ZNF486: variants seen among roughly 807,000 people sequenced by gnomAD.
ZNF486 encodes the protein KRAB box only protein 2.
A neutral mutation model predicts 12.8 loss-of-function variants in ZNF486; 12 were observed. The observed-to-expected ratio is 0.94, with a 90% CI of 0.60 to 1.52. The LOEUF (loss-of-function observed/expected upper bound fraction) is 1.52. ZNF486 is among the 40% of genes most tolerant of loss of function. The pLI, the probability that ZNF486 is intolerant of heterozygous loss-of-function variation, is 0.00. For missense variants in ZNF486, 738 were observed against 545.0 expected, an observed-to-expected ratio of 1.35 and a Z score of -3.53; for synonymous variants, 231 against 184.9, an observed-to-expected ratio of 1.25 and a Z score of -2.02.
intron 2 of ZNF486, among the ~76,000 whole-genome samples, chr19:20,184,950 A>G (rs1225686208): frequency 2.6e-5 from 4 of 152,146 alleles, no homozygotes; most frequent in African/African-American, 7.2e-5. Context: ...CGCCTATACT[A>G]AAAATACAAA....
intron 3 of ZNF486, among the ~76,000 whole-genome samples, chr19:20,193,340 G>A (rs1183505591): frequency 6.9e-6 from 1 of 145,884 alleles, no homozygotes; most frequent in East Asian, 2.0e-4. Flanking sequence ...TATTGCCCAT[G>A]ATGGAGTGCA....
intron 1 of ZNF486, among the ~76,000 whole-genome samples, chr19:20,174,025 AG>A (rs2089678604): frequency 6.6e-6 from 1 of 152,158 alleles, no homozygotes; most frequent in South Asian, 2.1e-4. Flanking sequence ...GGTTCCAAAA[AG>A]TTTATTTTTT....
At chr19:20,187,062 C>A (rs532814835) in intron 3 of ZNF486, among the ~76,000 whole-genome samples, 4 of 151,950 alleles carry the variant, frequency 2.6e-5, no homozygotes, top group Non-Finnish European at 5.9e-5. Flanking sequence ...GGATTACAGG[C>A]ATGAGCCACC....
intron 3 of ZNF486, among the ~76,000 whole-genome samples, chr19:20,192,114 C>T (rs1176363142): frequency 6.6e-6 from 1 of 152,078 alleles, no homozygotes; most frequent in African/African-American, 2.4e-5. Context: ...TGACCTATAG[C>T]ATATTATGTC....
intron 1 of ZNF486, among the ~76,000 whole-genome samples, chr19:20,174,256 C>G (rs180787880): frequency 6.6e-6 from 1 of 152,274 alleles, no homozygotes; most frequent in East Asian, 1.9e-4. Context: ...CAGTTCAGTG[C>G]GTAAACTGAA....
intron 1 of ZNF486, 148 bp from the exon 2 acceptor site, chr19:20,184,208 A>G: frequency 1.6e-6 from 2 of 1,227,524 alleles, no homozygotes; most frequent in Non-Finnish European, 2.2e-6. Flanking sequence ...ACATTAGAAA[A>G]TATTTCTGTA....
intron 1 of ZNF486, among the ~76,000 whole-genome samples, chr19:20,171,987 T>C (rs2089652801): frequency 8.0e-6 from 1 of 125,066 alleles, no homozygotes; most frequent in East Asian, 2.1e-4. Context: ...GTTAGTTTCC[T>C]TTTTTTTTTT....
intron 1 of ZNF486, among the ~76,000 whole-genome samples, chr19:20,169,459 G>A (rs2089622834): frequency 6.6e-6 from 1 of 152,134 alleles, no homozygotes; most frequent in Non-Finnish European, 1.5e-5. Flanking sequence ...AGCCTCGCCT[G>A]CAGATGTCCC....
intron 3 of ZNF486, among the ~76,000 whole-genome samples, chr19:20,191,577 G>C (rs1379249939): frequency 6.8e-6 from 1 of 147,890 alleles, no homozygotes; most frequent in African/African-American, 2.5e-5. Context: ...AGACTCTCCT[G>C]GCTAAGACGG....
chr19:20,193,094 G>A (rs2089918200), intron 3 of ZNF486, among the ~76,000 whole-genome samples: 1 of 151,588 alleles, frequency 6.6e-6, no homozygotes, highest in South Asian at 2.1e-4. Flanking sequence ...TAATCATCTT[G>A]AAAACTGGAG....
intron 3 of ZNF486, 136 bp from the exon 4 acceptor site, chr19:20,196,828 G>C (rs1311015755): frequency 8.5e-7 from 1 of 1,183,138 alleles, no homozygotes; most frequent in African/African-American, 1.6e-5. Context: ...TATATGTCCA[G>C]GAAGAAATTA....
rs1344845170 is a variant in ZNF486 at position 20,184,462 on chromosome 19, A to G, written c.137A>G (p.Tyr46Cys). 3.1e-6 allele frequency: 5 copies of G among 1,612,428 alleles called. No homozygotes were observed. The highest frequency in any genetic ancestry group is 4.2e-6 in the Non-Finnish European group (5 of 1,179,360). Residue 46 changes from tyrosine to cysteine, a missense_variant, in exon 2 of 4, where the codon TAC becomes TGC. By Grantham distance (194) the Tyr-to-Cys change is radical. Coordinates refer to ENST00000335117, the MANE Select transcript of ZNF486 (RefSeq NM_052852.4). ...NLYRDVMLEN[Y>C]RHLVFLGIIV... ...TATAGGGATGTGATGTTAGAGAACT[A>G]CAGACACCTGGTCTTCCTTGGTGAG...
chr19:20,192,333 A>G (rs111430602), intron 3 of ZNF486, among the ~76,000 whole-genome samples: 12,065 of 151,918 alleles, frequency 0.079, 745 homozygotes, highest in African/African-American at 0.18. Flanking sequence ...ATTTTGAGAC[A>G]GAGTTTCACT....
intron 3 of ZNF486, among the ~76,000 whole-genome samples, chr19:20,188,170 C>T (rs1599711888): frequency 6.6e-6 from 1 of 151,906 alleles, no homozygotes; most frequent in African/African-American, 2.4e-5. Context: ...GCAGAACTGA[C>T]CATAAACTAT....
chr19:20,175,570 A>T (rs1415719568), intron 1 of ZNF486, among the ~76,000 whole-genome samples: 1 of 151,594 alleles, frequency 6.6e-6, no homozygotes. Context: ...CTGTTTAACA[A>T]AGCACATCTT....
intron 3 of ZNF486, among the ~76,000 whole-genome samples, chr19:20,188,244 A>G (rs1234961079): frequency 6.6e-6 from 1 of 152,154 alleles, no homozygotes; most frequent in East Asian, 1.9e-4. Flanking sequence ...TGATGAATAT[A>G]TATTTCCTTT....
At chr19:20,191,459 C>T (rs2089901542) in intron 3 of ZNF486, among the ~76,000 whole-genome samples, 1 of 105,478 alleles carries the variant, frequency 9.5e-6, no homozygotes, top group South Asian at 2.9e-4. Flanking sequence ...AGCGAGATTC[C>T]TTCAAAAAAA....
At chr19:20,181,222 TC>T (rs1302636477) in intron 1 of ZNF486, among the ~76,000 whole-genome samples, 6 of 152,014 alleles carry the variant, frequency 3.9e-5, no homozygotes, top group African/African-American at 1.4e-4. Context: ...TGCTCACAAT[TC>T]CCTGAATCCC....
At chr19:20,181,268 G>A (rs563552490) in intron 1 of ZNF486, among the ~76,000 whole-genome samples, 14 of 151,794 alleles carry the variant, frequency 9.2e-5, no homozygotes, top group Admixed American at 2.6e-4. Flanking sequence ...GTCCGGGCGC[G>A]GTGGCTCACG....
Sources: allele counts gnomAD v4.1 joint callset (sites outside exome capture counted in the v4.1 genomes callset), GRCh38; gene constraint gnomAD v4.1.1; transcripts MANE v1.5; gene names NCBI Gene and HGNC (gene_info 2026-07-23, HGNC 2026-07-21).